Variants in KCNG2 observed in about 807,000 individuals in gnomAD.
KCNG2 encodes the protein voltage-gated potassium channel regulatory subunit KCNG2.
KCNG2 carries 7 observed loss-of-function variants against 12.3 expected under a neutral mutation model. That is an observed-to-expected ratio of 0.57 (90% CI 0.32 to 1.07). KCNG2 has a LOEUF of 1.07. KCNG2 is among the 50% of genes least tolerant of loss of function. The probability of loss-of-function intolerance (pLI) is 0.04; values close to 1 mark genes in which losing one functional copy is unlikely to be tolerated. For synonymous variants in KCNG2, 414 were observed against 351.4 expected, an observed-to-expected ratio of 1.18 and a Z score of -1.99; for missense variants, 703 against 726.0, an observed-to-expected ratio of 0.97 and a Z score of 0.36.
intron 3 of KCNG2, among the ~76,000 whole-genome samples, chr18:79,868,353 T>C (rs1979693425): frequency 6.6e-6 from 1 of 151,338 alleles, no homozygotes; most frequent in Admixed American, 6.6e-5. Context: ...GAGCGTCCGG[T>C]TAAGAAGCAG....
intron 3 of KCNG2, among the ~76,000 whole-genome samples, chr18:79,866,008 A>AGAGGTCTGTGTTCT (rs1568262387): frequency 2.0e-5 from 1 of 49,326 alleles, no homozygotes. Flanking sequence ...CTGGGTGCTG[A>AGAGGTCTGTGTTCT]GAGGTCTGGG....
intron 1 of KCNG2, among the ~76,000 whole-genome samples, chr18:79,818,445 G>A (rs908842702): frequency 1.3e-5 from 2 of 151,790 alleles, no homozygotes; most frequent in Non-Finnish European, 2.9e-5. Context: ...CCCGCTGCCT[G>A]GCCCCCTCGA....
Position 79,864,273 on chromosome 18 carries a change from C to T in KCNG2, c.606C>T (p.Ile202=). The T allele has an allele frequency of 6.5e-7, 1 of 1,540,788 alleles. No homozygotes were observed. The highest frequency in any genetic ancestry group is 8.7e-7 in the Non-Finnish European group (1 of 1,149,686). The change falls in exon 3 of 4, where the codon ATC becomes ATT. Residue 202 remains isoleucine, a synonymous_variant. Coordinates refer to ENST00000316249, the MANE Select transcript of KCNG2 (RefSeq NM_012283.2). The part of the protein sequence containing the change: ...VGLCLSTMPD[I]RAEEERGECS... The stretch of plus-strand genomic sequence containing the variant: ...TCTGCCTGAGCACCATGCCGGACAT[C>T]CGCGCCGAGGAGGAGCGGGTGAGCG...
At chr18:79,854,453 A>G (rs1415457893) in intron 1 of KCNG2, among the ~76,000 whole-genome samples, 1 of 152,030 alleles carries the variant, frequency 6.6e-6, no homozygotes, top group Non-Finnish European at 1.5e-5. Flanking sequence ...CTCATCCTCA[A>G]AGAGCCTTTA....
At chr18:79,811,989 A>G (rs2087497181) in intron 1 of KCNG2, among the ~76,000 whole-genome samples, 1 of 152,184 alleles carries the variant, frequency 6.6e-6, no homozygotes, top group Admixed American at 6.5e-5. Flanking sequence ...TAACAAAAGT[A>G]TTAATACTTG....
intron 3 of KCNG2, among the ~76,000 whole-genome samples, chr18:79,874,711 A>T (rs1979998340): frequency 6.6e-6 from 1 of 152,182 alleles, no homozygotes; most frequent in Non-Finnish European, 1.5e-5. Context: ...TGGGGTCTCC[A>T]AGGTGGAAGC....
intron 3 of KCNG2, among the ~76,000 whole-genome samples, chr18:79,892,634 C>A (rs1980783758): frequency 1.3e-5 from 2 of 151,902 alleles, no homozygotes; most frequent in African/African-American, 4.8e-5. Flanking sequence ...GGGTTGTTCA[C>A]TCCATTCACA....
intron 3 of KCNG2, among the ~76,000 whole-genome samples, chr18:79,872,279 A>ATTTTTTTT (rs1568265416): frequency 8.3e-5 from 4 of 48,130 alleles, no homozygotes; most frequent in South Asian, 1.1e-3. Context: ...TCAAAGCTTC[A>ATTTTTTTT]GTTTTTTTTT....
chr18:79,866,018 G>GTA (rs1205235177), intron 3 of KCNG2, among the ~76,000 whole-genome samples: 3 of 147,210 alleles, frequency 2.0e-5, no homozygotes, highest in Admixed American at 6.7e-5. Context: ...AGAGGTCTGG[G>GTA]TGCTGAGAGG....
chr18:79,833,763 G>A (rs756270232), intron 1 of KCNG2, among the ~76,000 whole-genome samples: 23 of 152,256 alleles, frequency 1.5e-4, no homozygotes, highest in Non-Finnish European at 2.9e-4. Context: ...GCATCTGGCT[G>A]GCTGCTGTGA....
intron 1 of KCNG2, among the ~76,000 whole-genome samples, chr18:79,809,430 T>G (rs772320254): frequency 2.3e-4 from 28 of 121,964 alleles, no homozygotes; most frequent in African/African-American, 2.8e-4. Flanking sequence ...CACGTTACGG[T>G]CCCAGAGTCC....
At chr18:79,881,130 G>A (rs938987883) in intron 3 of KCNG2, among the ~76,000 whole-genome samples, 9 of 152,212 alleles carry the variant, frequency 5.9e-5, no homozygotes, top group African/African-American at 2.2e-4. Flanking sequence ...AGTAGACGTC[G>A]TACTATTGGA....
chr18:79,842,660 GAGAT>G lies in KCNG2; in HGVS notation c.-114-13715_-114-13712del, dbSNP rs1165151440. On this transcript the variant is annotated intron_variant, in intron 1 of 3. Coordinates refer to ENST00000316249, the MANE Select transcript of KCNG2 (RefSeq NM_012283.2). Reference sequence around the variant, plus strand: ...GCAAAATTAGAAGTTCAACAACAAAGAGATAGAAAGCATAAAAAAGACCCAAACA... The same window carrying G: ...GCAAAATTAGAAGTTCAACAACAAAGAGAAAGCATAAAAAAGACCCAAACA... Among the ~76,000 whole-genome samples, 8 of 152,220 alleles carry G rather than the reference GAGAT, an allele frequency of 5.3e-5. No homozygotes were observed. In the South Asian group the frequency reaches 1.2e-3, roughly 24 times the overall value.
At chr18:79,816,698 G>A (rs1230158441) in intron 1 of KCNG2, among the ~76,000 whole-genome samples, 1 of 152,190 alleles carries the variant, frequency 6.6e-6, no homozygotes, top group Non-Finnish European at 1.5e-5. Flanking sequence ...AATTTTCCTG[G>A]GACGATGTTC....
At chr18:79,857,786 CGTTAT>C (rs1979071908) in intron 2 of KCNG2, among the ~76,000 whole-genome samples, 1 of 151,790 alleles carries the variant, frequency 6.6e-6, no homozygotes, top group Admixed American at 6.6e-5. Context: ...ATTCACCTAA[CGTTAT>C]ATTTACCATT....
intron 1 of KCNG2, among the ~76,000 whole-genome samples, chr18:79,828,800 G>A (rs1200597391): frequency 1.8e-4 from 22 of 123,014 alleles, no homozygotes; most frequent in South Asian, 6.4e-4. Flanking sequence ...ATGTGTCTGT[G>A]TGTGGGTGTC....
intron 3 of KCNG2, among the ~76,000 whole-genome samples, chr18:79,895,358 T>C: frequency 6.6e-6 from 1 of 152,128 alleles, no homozygotes; most frequent in Non-Finnish European, 1.5e-5. Flanking sequence ...TGCTTTTGAT[T>C]GGATTGTTCA....
intron 1 of KCNG2, among the ~76,000 whole-genome samples, chr18:79,848,223 G>A (rs1978689634): frequency 1.3e-5 from 2 of 152,208 alleles, no homozygotes; most frequent in South Asian, 4.1e-4. Context: ...TCTAAGTAGG[G>A]TTTGCCTTTT....
rs1484978729 is a variant in KCNG2 at position 79,822,771 on chromosome 18, T to C, written c.-115+24757T>C. ...CTCACCCCGAGAGACTGGAGCCTGCTGCGTGTGGCTCTTCTAGTCTTTAGC... is the reference window on the plus strand; with the variant it reads ...CTCACCCCGAGAGACTGGAGCCTGCCGCGTGTGGCTCTTCTAGTCTTTAGC... On this transcript the variant is annotated intron_variant, in intron 1 of 3. Transcript: ENST00000316249. The surrounding 1 kb of genome is among the most constrained non-coding windows in gnomAD (Gnocchi z 4.4). Among the ~76,000 whole-genome samples the C allele has an allele frequency of 6.6e-6, 1 of 152,204 alleles. No homozygotes were observed. The highest frequency in any genetic ancestry group is 1.5e-5 in the Non-Finnish European group (1 of 68,022).
Sources: allele counts gnomAD v4.1 joint callset (sites outside exome capture counted in the v4.1 genomes callset), GRCh38; gene constraint gnomAD v4.1.1; non-coding constraint Gnocchi (gnomAD v3.1); transcripts MANE v1.5; gene names NCBI Gene and HGNC (gene_info 2026-07-23, HGNC 2026-07-21).